HPS1: variants seen among roughly 807,000 people sequenced by gnomAD.
The protein encoded by HPS1 is BLOC-3 complex member HPS1.
Under a neutral mutation model 90.6 loss-of-function variants are expected in HPS1, and 59 were observed. The ratio of observed to expected loss-of-function variants is 0.65; its 90% CI spans 0.53 to 0.81. The LOEUF (loss-of-function observed/expected upper bound fraction) is 0.81, where lower values mean the gene tolerates loss of function less well. Ranked by LOEUF, HPS1 falls within the 30% of genes least tolerant of loss-of-function variation. The probability of loss-of-function intolerance (pLI) is 0.00; values close to 1 mark genes in which losing one functional copy is unlikely to be tolerated. For missense variants in HPS1, 849 were observed against 896.7 expected (o/e 0.95, Z 0.68); for synonymous variants, 388 against 384.4 (o/e 1.01, Z -0.11).
intron 3 of HPS1, chr10:98,442,508 C>A: frequency 6.3e-6 from 1 of 159,928 alleles, no homozygotes; most frequent in Non-Finnish European, 1.4e-5. Flanking sequence ...ACGTGTTCAG[C>A]TTACGTTAAA....
chr10:98,441,887 A>C (rs1376395920), intron 3 of HPS1, among the ~76,000 whole-genome samples: 1 of 152,242 alleles, frequency 6.6e-6, no homozygotes, highest in Non-Finnish European at 1.5e-5. Flanking sequence ...AGGTGGAATC[A>C]AAAATTACAC....
rs985624969 is a variant in HPS1, at chr10:98,417,378, G to A, written c.*186C>T. ...TCTTCCTCCAGAGAGAAGGATCTGG[G>A]GCCTTGCTCAGTACCTGACATGGAG... is the stretch of plus-strand genomic sequence containing the variant. On this transcript the variant is annotated 3_prime_UTR_variant, in exon 20 of 20. Transcript: ENST00000361490. The surrounding 1 kb of genome is among the most constrained non-coding windows in gnomAD (Gnocchi z 4.2). The A allele has an allele frequency of 1.8e-6, 1 of 568,400 alleles. No homozygotes were observed. The highest frequency in any genetic ancestry group is 3.1e-6 in the Non-Finnish European group (1 of 321,000). The allele number at this position is 568,400 out of a possible 1,614,324, so 35.2% of individuals were successfully genotyped here. A position where few individuals can be genotyped will look rare whatever the true frequency, so the allele number is the denominator to read the frequency against.
Position 98,435,084 on chromosome 10 carries a change from C to A in HPS1, c.398+188G>T. 1.5e-6 allele frequency: 1 copy of A among 655,502 alleles called. No homozygotes were observed. Among genetic ancestry groups the A allele is most frequent in the Non-Finnish European group, 2.6e-6 (1 of 377,746 alleles). The allele number at this position is 655,502 out of a possible 1,614,324, so 40.6% of individuals were successfully genotyped here. A position where few individuals can be genotyped will look rare whatever the true frequency, so the allele number is the denominator to read the frequency against. Reference sequence around the variant, plus strand: ...GTGAGTTCCATTCTCTGCTCTGTTTCACCAGATATAAAGTCAGAGGGTCAG... The same window carrying A: ...GTGAGTTCCATTCTCTGCTCTGTTTAACCAGATATAAAGTCAGAGGGTCAG... On this transcript the variant is annotated intron_variant, in intron 5 of 19. Coordinates refer to ENST00000361490, the MANE Select transcript of HPS1 (RefSeq NM_000195.5). This position sits in a 1 kb window ranked among gnomAD's most constrained non-coding sequence, Gnocchi z 4.3.
In HPS1 at chr10:98,425,951, T is replaced by G; in HGVS notation, c.1022A>C (p.His341Pro). ...AEDTLQTLVP[H>P]CPVPSGPRRI... Reference sequence around the variant, plus strand: ...TCTGGGGCCGGAAGGCACAGGGCAGTGGGGAACCAGTGTTTGGAGGGTGTC... The same window carrying G: ...TCTGGGGCCGGAAGGCACAGGGCAGGGGGGAACCAGTGTTTGGAGGGTGTC... The change falls in exon 12 of 20, where the codon CAC (histidine) becomes CCC (proline). Residue 341 changes from histidine to proline, a missense_variant. By Grantham distance (77) the His-to-Pro change is moderately conservative (BLOSUM62 -2). Transcript: ENST00000361490. 6.2e-7 allele frequency: 1 copy of G among 1,614,088 alleles called. No individual in the cohort carries two copies. Among genetic ancestry groups the G allele is most frequent in the Non-Finnish European group, 8.5e-7 (1 of 1,179,982 alleles).
chr10:98,429,753 C>T (rs1210294835), intron 9 of HPS1, 38 bp downstream of exon 9: 29 of 1,613,168 alleles, frequency 1.8e-5, no homozygotes, highest in Non-Finnish European at 2.5e-5. Context: ...AGGCCGATCC[C>T]CTCCTGCCCC....
chr10:98,427,165 T>A, intron 11 of HPS1, 50 bp downstream of exon 11: 1 of 1,462,430 alleles, frequency 6.8e-7, no homozygotes, highest in Non-Finnish European at 9.4e-7. Flanking sequence ...CAATACTCAC[T>A]GCGGCATCTC....
At chr10:98,428,347 G>A (rs902753134) in intron 10 of HPS1, among the ~76,000 whole-genome samples, 23 of 152,210 alleles carry the variant, frequency 1.5e-4, no homozygotes, top group Admixed American at 5.9e-4. Flanking sequence ...CAGCATCTCC[G>A]GGTACAGGCT....
intron 3 of HPS1, 163 bp downstream of exon 3, chr10:98,442,961 G>A (rs1938710328): frequency 1.4e-6 from 1 of 716,248 alleles, no homozygotes; most frequent in African/African-American, 1.7e-5. Context: ...GGCCAACCTT[G>A]AGGATAAGGG....
In HPS1 at chr10:98,417,015, T is replaced by C. The variant is rs1844200628; in HGVS notation, c.*549A>G. 2 of 152,938 alleles carry C rather than the reference T, an allele frequency of 1.3e-5. No individual in the cohort carries two copies. Among genetic ancestry groups the C allele is most frequent in the African/African-American group, 4.8e-5 (2 of 41,462 alleles). 9.5% of individuals were successfully genotyped at this position (152,938 alleles called of 1,614,324 possible). Reference sequence around the variant, plus strand: ...AGAAGGGTCTAGAAGCACTAGCATGTTGGGCTTCAGTGATAACAATGACCA... The same window carrying C: ...AGAAGGGTCTAGAAGCACTAGCATGCTGGGCTTCAGTGATAACAATGACCA... On this transcript the variant is annotated 3_prime_UTR_variant, in exon 20 of 20. Transcript: ENST00000361490. This position sits in a 1 kb window ranked among gnomAD's most constrained non-coding sequence, Gnocchi z 4.2.
intron 18 of HPS1, among the ~76,000 whole-genome samples, chr10:98,418,522 C>T (rs1257117743): frequency 6.6e-6 from 1 of 152,244 alleles, no homozygotes; most frequent in African/African-American, 2.4e-5. Flanking sequence ...CAAACACACG[C>T]TCAGGAGGGC....
Position 98,427,224 on chromosome 10 carries a change from A to C in HPS1, c.978T>G (p.Asp326Glu), listed in dbSNP as rs1368276731. 6.4e-7 allele frequency: 1 copy of C among 1,551,460 alleles called. No individual in the cohort carries two copies. Residue 326 changes from aspartate (D) to glutamate (E), a missense_variant, in exon 11 of 20, where the codon GAT (aspartate) becomes GAG (glutamate). By Grantham distance (45) the Asp-to-Glu change is conservative (BLOSUM62 2). Coordinates refer to ENST00000361490, the MANE Select transcript of HPS1 (RefSeq NM_000195.5). Reference protein sequence around the residue: ...IWLEGGTPPMDALQIAEDTLQ... With the variant: ...IWLEGGTPPMEALQIAEDTLQ... ...CACAGGAGAAACTCACCTGAAGGGC[A>C]TCCATGGGGGGGGTGCCCCCCTCCA... is the stretch of plus-strand genomic sequence containing the variant.
chr10:98,421,004 G>A (rs945410528), intron 17 of HPS1, among the ~76,000 whole-genome samples: 44 of 152,198 alleles, frequency 2.9e-4, no homozygotes, highest in African/African-American at 1.0e-3. Flanking sequence ...GCTCCCCTGG[G>A]AATGTCCTCC....
intron 18 of HPS1, among the ~76,000 whole-genome samples, chr10:98,418,665 C>A (rs574210740): frequency 6.6e-6 from 1 of 152,236 alleles, no homozygotes; most frequent in African/African-American, 2.4e-5. Flanking sequence ...CTGGACGTGC[C>A]GTGTGTGCCA....
At chr10:98,423,952 A>G in intron 14 of HPS1, 65 bp from the exon 15 acceptor site, 1 of 1,592,758 alleles carries the variant, frequency 6.3e-7, no homozygotes, top group South Asian at 1.1e-5. Flanking sequence ...CCCTGTGTGG[A>G]CCACCTTGTT....
chr10:98,420,192 C>A, intron 17 of HPS1, 34 bp from the exon 18 acceptor site: 2 of 1,483,036 alleles, frequency 1.3e-6, no homozygotes, highest in African/African-American at 1.4e-5. Flanking sequence ...ACCACTCTCC[C>A]AGCCTTGGTC....
Position 98,442,918 on chromosome 10 carries a change from G to A in HPS1, c.117+206C>T, listed in dbSNP as rs183442951. The A allele has an allele frequency of 5.5e-3, 3,387 of 619,106 alleles. 19 individuals carry two copies. Among genetic ancestry groups the A allele is most frequent in the Non-Finnish European group, 6.9e-3 (2,358 of 339,942 alleles). 38.4% of individuals were successfully genotyped at this position (619,106 alleles called of 1,614,324 possible). The stretch of plus-strand genomic sequence containing the variant: ...AGTCCAGAGAGGACTGGTGGGGTGT[G>A]GGGGTGGGGTCACCGAGCTCAGAGC... On this transcript the variant is annotated intron_variant, in intron 3 of 19. Transcript: ENST00000361490.
intron 9 of HPS1, 71 bp from the exon 10 acceptor site, chr10:98,429,713 G>A: frequency 6.2e-7 from 1 of 1,613,962 alleles, no homozygotes; most frequent in Non-Finnish European, 8.5e-7. Flanking sequence ...GCTCTCCCAG[G>A]AGGGATGGGA....
rs989239012 is a variant in HPS1 at position 98,445,024 on chromosome 10, G to A, written c.-1+276C>T. ...CATGAAGGCGGTCATCTAGGTGCGG[G>A]TGTCAGGTAATGAGTGCTCACCCCT... On this transcript the variant is annotated intron_variant, in intron 2 of 19. Coordinates refer to ENST00000361490, the MANE Select transcript of HPS1 (RefSeq NM_000195.5). This position sits in a 1 kb window ranked among gnomAD's most constrained non-coding sequence, Gnocchi z 4.5. Among the ~76,000 whole-genome samples the A allele has an allele frequency of 6.6e-6, 1 of 152,182 alleles. No individual in the cohort carries two copies. The highest frequency in any genetic ancestry group is 1.5e-5 in the Non-Finnish European group (1 of 68,026).
intron 3 of HPS1, chr10:98,442,816 C>T: frequency 2.5e-6 from 1 of 398,754 alleles, no homozygotes; most frequent in Non-Finnish European, 4.8e-6. Flanking sequence ...CCTTGTTAAA[C>T]TTTTTAGGTT....
Sources: gnomAD v4.1 joint callset for allele counts (sites outside exome capture counted in the v4.1 genomes callset) on GRCh38, gnomAD v4.1.1 for gene constraint, Gnocchi (gnomAD v3.1) non-coding constraint, MANE v1.5 for transcripts, NCBI Gene and HGNC (gene_info 2026-07-23, HGNC 2026-07-21) for gene names.